The following ZNF883 variants were observed in gnomAD, a reference collection of about 807,000 sequenced individuals.
The protein encoded by ZNF883 is zinc finger protein 883.
At chr9:112,988,911 G>A (rs763705961) in intron 1 of ZNF883, among the ~76,000 whole-genome samples, 2 of 150,488 alleles carry the variant, frequency 1.3e-5, no homozygotes, top group Non-Finnish European at 3.0e-5. Context: ...TTTCATGTTT[G>A]TTCACCACAT....
chr9:113,009,434 G>C (rs547548315), intron 2 of ZNF883, among the ~76,000 whole-genome samples: 24 of 151,946 alleles, frequency 1.6e-4, no homozygotes, highest in African/African-American at 5.5e-4. Flanking sequence ...TTGAGGCTTT[G>C]CATTTGCTGT....
At chr9:112,990,321 G>A (rs955229274) in intron 1 of ZNF883, among the ~76,000 whole-genome samples, 1 of 152,194 alleles carries the variant, frequency 6.6e-6, no homozygotes, top group Non-Finnish European at 1.5e-5. Context: ...TTTTTAACAT[G>A]AAGGGATGTT....
intron 2 of ZNF883, among the ~76,000 whole-genome samples, 157 bp downstream of exon 2, chr9:113,010,984 C>CAAAA (rs35069505): frequency 8.5e-6 from 1 of 117,984 alleles, no homozygotes. Flanking sequence ...GACCTTGTCT[C>CAAAA]AAAAAAAAAA....
downstream of ZNF883, among the ~76,000 whole-genome samples, chr9:112,992,676 C>T (rs1011844622): frequency 6.6e-6 from 1 of 152,158 alleles, no homozygotes; most frequent in Non-Finnish European, 1.5e-5. Flanking sequence ...AGTATGGTTT[C>T]CAACTTGGTT....
intron 2 of ZNF883, among the ~76,000 whole-genome samples, chr9:113,003,422 A>G (rs1220339509): frequency 1.3e-5 from 2 of 152,126 alleles, no homozygotes. Context: ...TATTAGCAGC[A>G]TGAGAATGGA....
intron 2 of ZNF883, among the ~76,000 whole-genome samples, chr9:113,010,846 C>G (rs1367371411): frequency 6.6e-6 from 1 of 151,716 alleles, no homozygotes; most frequent in Non-Finnish European, 1.5e-5. Context: ...ATTAGCCGGG[C>G]GTGGTGGTGC....
intron 1 of ZNF883, among the ~76,000 whole-genome samples, chr9:112,988,544 C>T (rs1014182047): frequency 2.6e-5 from 4 of 152,012 alleles, no homozygotes; most frequent in Non-Finnish European, 5.9e-5. Context: ...TTTTCTTTAT[C>T]CAGTCTATCG....
chr9:113,003,557 G>A (rs953751301), intron 2 of ZNF883, among the ~76,000 whole-genome samples: 3 of 149,236 alleles, frequency 2.0e-5, no homozygotes, highest in Admixed American at 2.0e-4. Flanking sequence ...TGACTTAAGC[G>A]GTCTAACATA....
chr9:113,001,338 T>C (rs1587895906), upstream of ZNF883, among the ~76,000 whole-genome samples: 2 of 152,004 alleles, frequency 1.3e-5, no homozygotes, highest in African/African-American at 4.8e-5. Context: ...GAATGAATCA[T>C]AAAACAGTCA....
intron 2 of ZNF883, among the ~76,000 whole-genome samples, chr9:113,003,958 C>T (rs1828451530): frequency 6.7e-6 from 1 of 148,370 alleles, no homozygotes; most frequent in Admixed American, 6.7e-5. Flanking sequence ...CCTAACAGTA[C>T]CTCAGAATGT....
downstream of ZNF883, among the ~76,000 whole-genome samples, chr9:112,994,714 CTTCT>C (rs376761757): frequency 3.8e-3 from 582 of 151,972 alleles, 10 homozygotes; most frequent in South Asian, 0.035. Flanking sequence ...GTAAATGTCA[CTTCT>C]TTCTACTATC....
In ZNF883 at chr9:112,997,259, G is replaced by C. The variant is rs202097035; in HGVS notation, n.1001C>G. 5.6e-4 allele frequency: 897 copies of C among 1,614,018 alleles called. 2 individuals carry two copies. The highest frequency in any genetic ancestry group is 6.8e-4 in the Admixed American group (41 of 60,008). ...TATTCGCTTATGTTTAGTTAGAGCT[G>C]AGCTTAAGCTGAAGGATTTCCCACA... is the stretch of plus-strand genomic sequence containing the variant. On this transcript the variant is annotated non_coding_transcript_exon_variant, in exon 1 of 1. Coordinates refer to ENST00000639662, the Ensembl canonical transcript of ZNF883.
chr9:113,001,237 A>G (rs147245419), upstream of ZNF883, among the ~76,000 whole-genome samples: 2 of 152,296 alleles, frequency 1.3e-5, no homozygotes, highest in East Asian at 3.9e-4. Flanking sequence ...TGAAAGGTAG[A>G]TAAAAAATTT....
chr9:113,001,531 C>CGA (rs1199154219), upstream of ZNF883, among the ~76,000 whole-genome samples: 1 of 152,024 alleles, frequency 6.6e-6, no homozygotes, highest in Non-Finnish European at 1.5e-5. Context: ...AAAATACAGA[C>CGA]GAGGGGCTCT....
downstream of ZNF883, among the ~76,000 whole-genome samples, chr9:112,995,577 C>A (rs1828344125): frequency 6.7e-6 from 1 of 150,358 alleles, no homozygotes; most frequent in South Asian, 2.1e-4. Context: ...TTCTCTCTTT[C>A]TTCTCTCTCT....
At chr9:113,009,486 TC>T (rs1262606497) in intron 2 of ZNF883, among the ~76,000 whole-genome samples, 19 of 150,002 alleles carry the variant, frequency 1.3e-4, no homozygotes, top group Admixed American at 2.0e-4. Flanking sequence ...CCCCCTCCCC[TC>T]CCCAAGTATC....
At chr9:113,006,123 AC>A (rs1274888604) in intron 2 of ZNF883, among the ~76,000 whole-genome samples, 1 of 149,846 alleles carries the variant, frequency 6.7e-6, no homozygotes, top group Non-Finnish European at 1.5e-5. Context: ...ACCAGCCTAA[AC>A]CAGCTAGAAT....
downstream of ZNF883, among the ~76,000 whole-genome samples, chr9:112,994,242 A>AG (rs1473210293): frequency 1.7e-4 from 26 of 151,546 alleles, no homozygotes; most frequent in Non-Finnish European, 2.1e-4. Flanking sequence ...TGCAGGTGGT[A>AG]GCTCCCTTTG....
chr9:112,999,203 T>A (rs552704134), upstream of ZNF883: 2 of 152,314 alleles, frequency 1.3e-5, no homozygotes, highest in South Asian at 4.1e-4. Context: ...AGTGCTATGA[T>A]AAAATGTAAA....
Sources: gnomAD v4.1 joint callset for allele counts (sites outside exome capture counted in the v4.1 genomes callset) on GRCh38, gnomAD v4.1.1 for gene constraint, MANE v1.5 for transcripts, NCBI Gene and HGNC (gene_info 2026-07-23, HGNC 2026-07-21) for gene names.